The following RIPOR2 variants were observed in gnomAD, a reference collection of about 807,000 sequenced individuals.
RIPOR2 encodes the protein RHO family interacting cell polarization regulator 2.
A neutral mutation model predicts 114.5 loss-of-function variants in RIPOR2; 39 were observed. That is an observed-to-expected ratio of 0.34 (90% CI 0.26 to 0.44). RIPOR2 has a LOEUF of 0.44. Among genes scored for constraint, RIPOR2 ranks in the 20% least tolerant of loss-of-function variants. The pLI is 1.00. For missense variants in RIPOR2, 1,007 were observed against 1,255.1 expected (o/e 0.80, Z 2.99); for synonymous variants, 445 against 484.4 (o/e 0.92, Z 1.07).
intron 1 of RIPOR2, among the ~76,000 whole-genome samples, chr6:24,974,162 C>A (rs1773923098): frequency 6.6e-6 from 1 of 152,082 alleles, no homozygotes; most frequent in Non-Finnish European, 1.5e-5. Flanking sequence ...GGTGGGAGGA[C>A]TGTTTGAGCC....
chr6:25,030,787 C>T (rs908627206), intron 1 of RIPOR2, among the ~76,000 whole-genome samples: 2 of 152,052 alleles, frequency 1.3e-5, no homozygotes, highest in Non-Finnish European at 2.9e-5. Context: ...CAACCTCTGC[C>T]TCTTGTGTTC....
chr6:24,965,822 A>G (rs1773504872), intron 1 of RIPOR2, among the ~76,000 whole-genome samples: 1 of 152,244 alleles, frequency 6.6e-6, no homozygotes, highest in Admixed American at 6.5e-5. Context: ...ATTGAATTTC[A>G]AGAGCCATTG....
intron 1 of RIPOR2, among the ~76,000 whole-genome samples, chr6:25,039,805 A>G (rs1018496621): frequency 6.6e-6 from 1 of 152,250 alleles, no homozygotes; most frequent in Non-Finnish European, 1.5e-5. Context: ...AATTTAAGGT[A>G]CGCGCAAGTA....
chr6:24,884,269 C>T (rs944582061), intron 1 of RIPOR2, among the ~76,000 whole-genome samples: 2 of 151,812 alleles, frequency 1.3e-5, no homozygotes, highest in East Asian at 1.9e-4. Flanking sequence ...ATTAGCCAGG[C>T]GTGGTGGTGG....
intron 1 of RIPOR2, among the ~76,000 whole-genome samples, chr6:24,897,567 A>G (rs563166781): frequency 1.3e-5 from 2 of 152,336 alleles, no homozygotes; most frequent in African/African-American, 4.8e-5. Context: ...TAGCACTTCC[A>G]GAGTCAAGGA....
intron 7 of RIPOR2, among the ~76,000 whole-genome samples, chr6:24,861,390 T>C (rs574611264): frequency 1.3e-5 from 2 of 152,274 alleles, no homozygotes; most frequent in African/African-American, 2.4e-5. Context: ...AATCACCAAA[T>C]GTAACAACTT....
chr6:25,036,970 T>C (rs1777282785), intron 1 of RIPOR2, among the ~76,000 whole-genome samples: 1 of 152,170 alleles, frequency 6.6e-6, no homozygotes, highest in African/African-American at 2.4e-5. Flanking sequence ...ATGTCTCCCA[T>C]TATTTTGGGA....
chr6:24,986,937 CA>C (rs1456074533), intron 1 of RIPOR2, among the ~76,000 whole-genome samples: 1 of 150,422 alleles, frequency 6.6e-6, no homozygotes, highest in Non-Finnish European at 1.5e-5. Context: ...AAAAAAATTG[CA>C]AAAAATCTCA....
chr6:24,900,987 C>T (rs899483952), intron 1 of RIPOR2, among the ~76,000 whole-genome samples: 8 of 152,036 alleles, frequency 5.3e-5, no homozygotes, highest in African/African-American at 1.9e-4. Context: ...CCTTAGACTT[C>T]GTATTTATTT....
chr6:24,976,289 C>T (rs1774038880), intron 1 of RIPOR2: 1 of 676,546 alleles, frequency 1.5e-6, no homozygotes, highest in African/African-American at 1.8e-5. Flanking sequence ...GTATATATGC[C>T]TTGAAATATT....
At chr6:24,840,925 C>T (rs1224095063) in intron 13 of RIPOR2, 1 of 717,230 alleles carries the variant, frequency 1.4e-6, no homozygotes, top group Non-Finnish European at 2.3e-6. Flanking sequence ...TCGGTCTTGA[C>T]TTCACCTACT....
chr6:24,839,628 GAAAAAAAAC>G (rs1405764028), intron 13 of RIPOR2: 12 of 1,530,258 alleles, frequency 7.8e-6, no homozygotes, highest in Admixed American at 2.2e-5. Flanking sequence ...ACAAAAAGTT[GAAAAAAAAC>G]AAAAAAAACA....
chr6:24,961,020 A>C (rs1408807950), intron 1 of RIPOR2, among the ~76,000 whole-genome samples: 1 of 152,194 alleles, frequency 6.6e-6, no homozygotes, highest in Non-Finnish European at 1.5e-5. Context: ...ATCACTGAGC[A>C]ACAATTTGAG....
At chr6:24,836,602 T>G (rs1761135591) in intron 14 of RIPOR2, among the ~76,000 whole-genome samples, 1 of 152,122 alleles carries the variant, frequency 6.6e-6, no homozygotes, top group Admixed American at 6.6e-5. Flanking sequence ...AGATTTTGAG[T>G]GTCCTGGTTC....
At chr6:24,867,651 T>A (rs1033248285) in intron 6 of RIPOR2, among the ~76,000 whole-genome samples, 2 of 152,208 alleles carry the variant, frequency 1.3e-5, no homozygotes, top group East Asian at 3.8e-4. Context: ...TATTACTTTG[T>A]GTAGTGAGAA....
rs5875008 is a variant in RIPOR2 at position 24,850,097 on chromosome 6, C to CTT, written c.886-149_886-148dup. The CTT allele has an allele frequency of 0.035, 15,279 of 434,160 alleles. 129 individuals carry two copies. Among genetic ancestry groups the CTT allele is most frequent in the African/African-American group, 0.067 (2,903 of 43,328 alleles). The allele number at this position is 434,160 out of a possible 1,614,324, so 26.9% of individuals were successfully genotyped here. ...GAAGCGGATTTTCATTTTTCTTTTT[C>CTT]TTTTTTTTTTTTTTTTGGAGACAGG... On this transcript the variant is annotated intron_variant, in intron 10 of 21. Transcript: ENST00000643898.
intron 1 of RIPOR2, among the ~76,000 whole-genome samples, chr6:25,035,292 T>C (rs916297344): frequency 5.9e-5 from 9 of 152,222 alleles, no homozygotes; most frequent in Admixed American, 5.9e-4. Context: ...GGTTTCTTTC[T>C]TTTTTATACT....
chr6:25,000,992 AT>A (rs1445081240), intron 1 of RIPOR2, among the ~76,000 whole-genome samples: 10 of 151,802 alleles, frequency 6.6e-5, no homozygotes, highest in African/African-American at 2.4e-4. Context: ...GCGGACCTCG[AT>A]TTTTTTTCAG....
chr6:24,945,934 T>C (rs1008304340), intron 1 of RIPOR2, among the ~76,000 whole-genome samples: 10 of 152,226 alleles, frequency 6.6e-5, no homozygotes, highest in Middle Eastern at 3.4e-3. Context: ...CAAATTCCTG[T>C]CTCACTGTAG....
Sources: allele counts gnomAD v4.1 joint callset (sites outside exome capture counted in the v4.1 genomes callset), GRCh38; gene constraint gnomAD v4.1.1; transcripts MANE v1.5; gene names NCBI Gene and HGNC (gene_info 2026-07-23, HGNC 2026-07-21).